Variants in USP44 observed in about 807,000 individuals in gnomAD.
The protein encoded by USP44 is ubiquitin carboxyl-terminal hydrolase 44.
USP44 carries 61 observed loss-of-function variants against 69.0 expected under a neutral mutation model. The observed-to-expected ratio is 0.88, with a 90% CI of 0.72 to 1.09. USP44 has a LOEUF of 1.09. Ranked by LOEUF, USP44 falls within the 50% of genes least tolerant of loss-of-function variation. The pLI is 0.00. For synonymous variants in USP44, 297 were observed against 295.4 expected, an observed-to-expected ratio of 1.01 and a Z score of -0.06; for missense variants, 753 against 849.9, an observed-to-expected ratio of 0.89 and a Z score of 1.42.
intron 4 of USP44, among the ~76,000 whole-genome samples, chr12:95,523,414 A>T (rs1257872919): frequency 6.6e-6 from 1 of 152,174 alleles, no homozygotes; most frequent in African/African-American, 2.4e-5. Context: ...ACTAAATTGA[A>T]TTAGAGGACA....
At chr12:95,522,582 A>G (rs1171877986) in intron 4 of USP44, among the ~76,000 whole-genome samples, 1 of 152,074 alleles carries the variant, frequency 6.6e-6, no homozygotes, top group African/African-American at 2.4e-5. Flanking sequence ...GTTCAAGACC[A>G]GCCTGGCTAA....
chr12:95,521,254 C>G lies in USP44; in HGVS notation c.1734-52G>C, dbSNP rs558605484. 1.2e-5 allele frequency: 19 copies of G among 1,549,756 alleles called. No homozygotes were observed. The African/African-American group carries it at 2.2e-4, about 18-fold the overall frequency. On this transcript the variant is annotated intron_variant, in intron 4 of 5. Coordinates refer to ENST00000258499, the MANE Select transcript of USP44 (RefSeq NM_032147.5). ...CCACACAATTAAGGGAAAATAACCA[C>G]GTACTAGGTCTAGACACTTGTAACA...
intron 3 of USP44, 95 bp from the exon 4 acceptor site, chr12:95,524,883 A>G (rs929757651): frequency 1.8e-6 from 2 of 1,125,328 alleles, no homozygotes; most frequent in African/African-American, 3.1e-5. Flanking sequence ...AGAAATGAAA[A>G]GTATGTACTG....
chr12:95,523,916 A>C (rs2076749447), intron 4 of USP44, among the ~76,000 whole-genome samples: 1 of 151,562 alleles, frequency 6.6e-6, no homozygotes, highest in Admixed American at 6.6e-5. Flanking sequence ...TCGCTCTGTC[A>C]CTCAGGCTAG....
intron 1 of USP44, among the ~76,000 whole-genome samples, chr12:95,541,912 C>A (rs901014274): frequency 1.5e-5 from 2 of 132,606 alleles, no homozygotes; most frequent in Non-Finnish European, 3.1e-5. Flanking sequence ...CAGGGTCTTG[C>A]TCTGTTGCCC....
intron 1 of USP44, among the ~76,000 whole-genome samples, chr12:95,536,016 GTTTC>G (rs1169009478): frequency 3.2e-5 from 4 of 126,028 alleles, no homozygotes; most frequent in African/African-American, 9.3e-5. Context: ...ATGTTCACAT[GTTTC>G]TTTCTTTCCT....
intron 3 of USP44, 110 bp downstream of exon 3, chr12:95,528,697 G>T: frequency 2.5e-6 from 3 of 1,181,380 alleles, no homozygotes; most frequent in Non-Finnish European, 2.3e-6. Flanking sequence ...TTGATGAACT[G>T]AAAAAAAGTT....
intron 5 of USP44, among the ~76,000 whole-genome samples, chr12:95,519,432 ATTT>A (rs60940181): frequency 5.9e-5 from 5 of 84,544 alleles, no homozygotes; most frequent in Admixed American, 1.6e-4. Flanking sequence ...CTCAATCTGT[ATTT>A]TTTTTTTTTT....
intron 1 of USP44, among the ~76,000 whole-genome samples, chr12:95,540,907 C>T (rs1271516656): frequency 6.6e-6 from 1 of 152,110 alleles, no homozygotes; most frequent in East Asian, 1.9e-4. Flanking sequence ...ATTATGAAAG[C>T]AAAACATATT....
rs550853135 is a variant in USP44, at chr12:95,537,964, C to G, written c.-70-3638G>C. ...ATTCCCTTGAATACAAAAAAAGTACCTGTTTCATTGAAGCTATTGCTAAAA... is the reference window on the plus strand; with the variant it reads ...ATTCCCTTGAATACAAAAAAAGTACGTGTTTCATTGAAGCTATTGCTAAAA... On this transcript the variant is annotated intron_variant, in intron 1 of 5. Transcript: ENST00000258499. Among the ~76,000 whole-genome samples the G allele has an allele frequency of 3.1e-3, 466 of 152,290 alleles. 2 individuals carry two copies. The highest frequency in any genetic ancestry group is 0.01 in the African/African-American group (430 of 41,566).
chr12:95,525,217 G>A (rs2076798143), intron 3 of USP44, among the ~76,000 whole-genome samples: 1 of 152,098 alleles, frequency 6.6e-6, no homozygotes, highest in African/African-American at 2.4e-5. Flanking sequence ...GACTATAGGT[G>A]CGTGCCACCA....
chr12:95,534,047 C>A lies in USP44; in HGVS notation c.210G>T (p.Leu70Phe), dbSNP rs778189045. ...HFQESSHPVA[L>F]EVNEMYVFCY... ...AAAAAACGTACATCTCATTCACCTC[C>A]AATGCAACAGGATGACTGCTTTCTT... Residue 70 changes from leucine (L) to phenylalanine (F), a missense_variant, in exon 2 of 6, where the codon TTG becomes TTT. Physicochemically the swap from Leu to Phe is conservative, Grantham distance 22. Coordinates refer to ENST00000258499, the MANE Select transcript of USP44 (RefSeq NM_032147.5). 80 of 1,614,032 alleles carry A rather than the reference C, an allele frequency of 5.0e-5. No homozygotes were observed. The highest frequency in any genetic ancestry group is 8.3e-5 in the Admixed American group (5 of 59,978).
intron 4 of USP44, among the ~76,000 whole-genome samples, chr12:95,523,241 G>C (rs2076725170): frequency 6.6e-6 from 1 of 152,138 alleles, no homozygotes; most frequent in South Asian, 2.1e-4. Context: ...AATCAAACCA[G>C]GGGAGCAGCT....
intron 2 of USP44, among the ~76,000 whole-genome samples, chr12:95,529,526 C>T (rs1161081529): frequency 6.6e-6 from 1 of 151,950 alleles, no homozygotes; most frequent in African/African-American, 2.4e-5. Context: ...TAGGTTCCAG[C>T]GATTCTCCTG....
chr12:95,550,387 C>G (rs1319242904), intron 1 of USP44, among the ~76,000 whole-genome samples: 2 of 151,890 alleles, frequency 1.3e-5, no homozygotes, highest in Non-Finnish European at 2.9e-5. Context: ...TCATTTTGTT[C>G]TTTTTTCTAT....
intron 1 of USP44, among the ~76,000 whole-genome samples, chr12:95,534,562 C>T (rs1036198563): frequency 6.6e-6 from 1 of 152,096 alleles, no homozygotes; most frequent in African/African-American, 2.4e-5. Flanking sequence ...TTGTTTTTAA[C>T]TTTCTGCCAC....
chr12:95,521,183 G>A lies in USP44; in HGVS notation c.1753C>T (p.Arg585Ter), dbSNP rs1474141572. Residue 585 changes from arginine to a stop codon, truncating the protein, a stop_gained, in exon 5 of 6, where the codon CGA (arginine) becomes TGA (stop). Coordinates refer to ENST00000258499, the MANE Select transcript of USP44 (RefSeq NM_032147.5). LOFTEE classifies it high-confidence loss of function. The stretch of plus-strand genomic sequence containing the variant: ...CCAACATGAACACCAATCTTCTCTC[G>A]GTTATTACGTCCTGACCACCTGTGA... ...KRFRWSGRNN[R>*]EKIGVHVGFE... 6.8e-6 allele frequency: 11 copies of A among 1,613,894 alleles called. No homozygotes were observed. The highest frequency in any genetic ancestry group is 2.2e-5 in the East Asian group (1 of 44,870).
In USP44 at chr12:95,551,437, C is replaced by G. The variant is rs2140416650; in HGVS notation, c.-236G>C. 2 of 152,696 alleles carry G rather than the reference C, an allele frequency of 1.3e-5. No homozygotes were observed. The highest frequency in any genetic ancestry group is 3.4e-3 in the Middle Eastern group (1 of 294). 9.5% of individuals were successfully genotyped at this position (152,696 alleles called of 1,614,324 possible). Reference sequence around the variant, plus strand: ...CCCCTGCAAATCATTACAAATCAACCTCTTTCAGGTTTGGCTTAAACTCTC... The same window carrying G: ...CCCCTGCAAATCATTACAAATCAACGTCTTTCAGGTTTGGCTTAAACTCTC... On this transcript the variant is annotated 5_prime_UTR_variant, in exon 1 of 6. Transcript: ENST00000258499.
chr12:95,544,048 C>CTT (rs1191045599), intron 1 of USP44, among the ~76,000 whole-genome samples: 975 of 97,234 alleles, frequency 0.01, 44 homozygotes, highest in African/African-American at 0.035. Flanking sequence ...TTTTAGTTAT[C>CTT]TTTTTTTTTT....
Sources: allele counts gnomAD v4.1 joint callset (sites outside exome capture counted in the v4.1 genomes callset), GRCh38; gene constraint gnomAD v4.1.1; transcripts MANE v1.5; gene names NCBI Gene and HGNC (gene_info 2026-07-23, HGNC 2026-07-21).